PCDHGB3: variants seen among roughly 807,000 people sequenced by gnomAD.
PCDHGB3 encodes the protein protocadherin gamma subfamily B, 3.
A neutral mutation model predicts 59.2 loss-of-function variants in PCDHGB3; 40 were observed. The ratio of observed to expected loss-of-function variants is 0.68; its 90% CI spans 0.52 to 0.88. PCDHGB3 has a LOEUF of 0.88. Among genes scored for constraint, PCDHGB3 ranks in the 40% least tolerant of loss-of-function variants. The probability of loss-of-function intolerance (pLI) is 0.00; values close to 1 mark genes in which losing one functional copy is unlikely to be tolerated. For synonymous variants in PCDHGB3, 581 were observed against 503.6 expected, an observed-to-expected ratio of 1.15 and a Z score of -2.06; for missense variants, 1,309 against 1,187.9, an observed-to-expected ratio of 1.10 and a Z score of -1.50.
chr5:141,428,181 A>G, intron 1 of PCDHGB3: 2 of 1,486,230 alleles, frequency 1.3e-6, no homozygotes, highest in Non-Finnish European at 1.8e-6. Flanking sequence ...GACGGAGGAC[A>G]GCCGCCGCTC....
In PCDHGB3 at chr5:141,474,057, G is replaced by A. The variant is rs546654716; in HGVS notation, c.2416-20750G>A. Among the ~76,000 whole-genome samples, 3 of 152,192 alleles carry A rather than the reference G, an allele frequency of 2.0e-5. No homozygotes were observed. In the East Asian group the frequency reaches 5.8e-4, roughly 29 times the overall value. On this transcript the variant is annotated intron_variant, in intron 1 of 3. Transcript: ENST00000576222. ...TGTACTCCAGCCTGGATGACAGAGC[G>A]AGATCCTGCCTCAGAAACAAAAACC... is the stretch of plus-strand genomic sequence containing the variant.
At chr5:141,461,009 A>T (rs1407993113) in intron 1 of PCDHGB3, among the ~76,000 whole-genome samples, 1 of 151,542 alleles carries the variant, frequency 6.6e-6, no homozygotes, top group Admixed American at 6.6e-5. Flanking sequence ...GTATATATAT[A>T]TACCACATTT....
intron 1 of PCDHGB3, among the ~76,000 whole-genome samples, chr5:141,452,713 T>TGAGG (rs2098747318): frequency 6.7e-6 from 1 of 148,530 alleles, no homozygotes; most frequent in Non-Finnish European, 1.5e-5. Flanking sequence ...AAGGAAGGAA[T>TGAGG]GAGGGAGGGA....
intron 1 of PCDHGB3, chr5:141,428,075 A>G (rs1427780901): frequency 5.0e-6 from 8 of 1,609,154 alleles, no homozygotes; most frequent in Non-Finnish European, 4.2e-6. Context: ...CAGATTCGGG[A>G]CACAACGCTT....
intron 1 of PCDHGB3, among the ~76,000 whole-genome samples, chr5:141,492,539 G>A (rs1474928199): frequency 1.3e-5 from 2 of 152,200 alleles, no homozygotes; most frequent in African/African-American, 2.4e-5. Context: ...GCCCCGGGCT[G>A]GGCCGGGTCG....
At chr5:141,462,121 T>A (rs977258025) in intron 1 of PCDHGB3, among the ~76,000 whole-genome samples, 2 of 151,730 alleles carry the variant, frequency 1.3e-5, no homozygotes, top group Non-Finnish European at 2.9e-5. Context: ...CTGCACCCAG[T>A]CCAATTTTTT....
At chr5:141,385,826 TTACAG>T (rs2090363283) in intron 1 of PCDHGB3, 1 of 155,578 alleles carries the variant, frequency 6.4e-6, no homozygotes, top group Non-Finnish European at 1.4e-5. Flanking sequence ...CTTGACCTAT[TTACAG>T]TATAATCATT....
chr5:141,404,630 C>T (rs1391155615), intron 1 of PCDHGB3: 1 of 1,614,154 alleles, frequency 6.2e-7, no homozygotes, highest in Admixed American at 1.7e-5. Flanking sequence ...TGACAATGCC[C>T]CAGAAATCCT....
intron 1 of PCDHGB3, chr5:141,419,128 A>T (rs1298102722): frequency 1.2e-6 from 2 of 1,613,768 alleles, no homozygotes; most frequent in East Asian, 2.2e-5. Flanking sequence ...TCACCATCGC[A>T]GCCACAGACA....
At chr5:141,406,173 T>C (rs1317526026) in intron 1 of PCDHGB3, among the ~76,000 whole-genome samples, 2 of 151,712 alleles carry the variant, frequency 1.3e-5, no homozygotes, top group African/African-American at 4.8e-5. Context: ...CCTGGGCTTA[T>C]GCAATCCTCC....
Position 141,433,071 on chromosome 5 carries a change from C to T in PCDHGB3, c.2415+60262C>T, listed in dbSNP as rs2097566106. On this transcript the variant is annotated intron_variant, in intron 1 of 3. Transcript: ENST00000576222. ...TCGCGGAAGAGTCACCTGATCTTCC[C>T]CCAGCCCAACTATGCAGACATGCTC... 2.5e-6 allele frequency: 4 copies of T among 1,614,154 alleles called. No homozygotes were observed. The East Asian group carries it at 8.9e-5, about 36-fold the overall frequency.
rs769153122 is a variant in PCDHGB3 at position 141,485,243 on chromosome 5, C to T, written c.2416-9564C>T. 8 of 1,614,062 alleles carry T rather than the reference C, an allele frequency of 5.0e-6. No homozygotes were observed. In the Admixed American group the frequency reaches 1.2e-4, roughly 24 times the overall value. ...TACCCTTTTGTTCCTCTTTTACCACCTGGGTTACGTTTGTGGGCAGATCCG... is the reference window on the plus strand; with the variant it reads ...TACCCTTTTGTTCCTCTTTTACCACTTGGGTTACGTTTGTGGGCAGATCCG... On this transcript the variant is annotated intron_variant, in intron 1 of 3. Transcript: ENST00000576222. The surrounding 1 kb of genome is among the most constrained non-coding windows in gnomAD (Gnocchi z 5.7).
rs1454395834 is a variant in PCDHGB3, at chr5:141,413,223, G to A, written c.2415+40414G>A. The stretch of plus-strand genomic sequence containing the variant: ...CAAAGGAATCAAAGGATTGCAGCGG[G>A]CTGGTCCTGCTCTGCCTTTTCTTCG... On this transcript the variant is annotated intron_variant, in intron 1 of 3. Transcript: ENST00000576222. 4 of 1,613,694 alleles carry A rather than the reference G, an allele frequency of 2.5e-6. No individual in the cohort carries two copies. In the African/African-American group the frequency reaches 4.0e-5, roughly 16 times the overall value.
At position 141,490,561 on chromosome 5, in the gene PCDHGB3, A is replaced by C. The variant is rs2099701634; in HGVS notation, c.2416-4246A>C. The stretch of plus-strand genomic sequence containing the variant: ...TTCCCTACACAAACATCTCACCATC[A>C]GGCTCAACATTTCAGATGTCAATGA... On this transcript the variant is annotated intron_variant, in intron 1 of 3. Transcript: ENST00000576222. The surrounding 1 kb of genome is among the most constrained non-coding windows in gnomAD (Gnocchi z 5.4). The C allele has an allele frequency of 1.2e-6, 2 of 1,614,090 alleles. No homozygotes were observed. The highest frequency in any genetic ancestry group is 1.7e-4 in the Middle Eastern group (1 of 6,060).
intron 1 of PCDHGB3, among the ~76,000 whole-genome samples, chr5:141,465,683 A>G (rs2099107378): frequency 6.6e-6 from 1 of 152,236 alleles, no homozygotes; most frequent in African/African-American, 2.4e-5. Context: ...GCTCTTGACC[A>G]GTCTGCTTTT....
rs746318177 is a variant in PCDHGB3 at position 141,431,715 on chromosome 5, T to G, written c.2415+58906T>G. On this transcript the variant is annotated intron_variant, in intron 1 of 3. Coordinates refer to ENST00000576222, the MANE Select transcript of PCDHGB3 (RefSeq NM_018924.5). The surrounding 1 kb of genome is among the most constrained non-coding windows in gnomAD (Gnocchi z 4.8). Reference sequence around the variant, plus strand: ...GAGTCAGGATTCTACCAGATGGAAGTGCAAGCAATGGATAATGCAGGATAT... The same window carrying G: ...GAGTCAGGATTCTACCAGATGGAAGGGCAAGCAATGGATAATGCAGGATAT... 5.6e-6 allele frequency: 9 copies of G among 1,614,178 alleles called. No homozygotes were observed. The highest frequency in any genetic ancestry group is 6.8e-6 in the Non-Finnish European group (8 of 1,180,042).
intron 1 of PCDHGB3, chr5:141,378,924 G>T (rs1426450881): frequency 6.6e-6 from 1 of 152,202 alleles, no homozygotes; most frequent in Non-Finnish European, 1.5e-5. Flanking sequence ...TCAAAAGTAA[G>T]TTGATGGCCC....
chr5:141,500,005 G>A (rs994274763), intron 2 of PCDHGB3, among the ~76,000 whole-genome samples: 30 of 151,476 alleles, frequency 2.0e-4, no homozygotes, highest in Non-Finnish European at 3.8e-4. Context: ...TCTTTCATAA[G>A]GTCCACATTT....
Position 141,477,912 on chromosome 5 carries a change from A to T in PCDHGB3, c.2416-16895A>T. The T allele has an allele frequency of 6.2e-7, 1 of 1,614,166 alleles. No individual in the cohort carries two copies. Among genetic ancestry groups the T allele is most frequent in the Non-Finnish European group, 8.5e-7 (1 of 1,180,022 alleles). ...TCACGGGTGGTAGGCTGGGACGCGGATGCAGGGCACAATGCCTGGCTCTCC... is the reference window on the plus strand; with the variant it reads ...TCACGGGTGGTAGGCTGGGACGCGGTTGCAGGGCACAATGCCTGGCTCTCC... On this transcript the variant is annotated intron_variant, in intron 1 of 3. Coordinates refer to ENST00000576222, the MANE Select transcript of PCDHGB3 (RefSeq NM_018924.5). This position sits in a 1 kb window ranked among gnomAD's most constrained non-coding sequence, Gnocchi z 4.9.
Sources: allele counts gnomAD v4.1 joint callset (sites outside exome capture counted in the v4.1 genomes callset), GRCh38; gene constraint gnomAD v4.1.1; non-coding constraint Gnocchi (gnomAD v3.1); transcripts MANE v1.5; gene names NCBI Gene and HGNC (gene_info 2026-07-23, HGNC 2026-07-21).